DTX1: variants seen among roughly 807,000 people sequenced by gnomAD.
The protein encoded by DTX1 is E3 ubiquitin-protein ligase DTX1.
In DTX1, 26 loss-of-function variants were observed where a neutral mutation model predicts 57.8. That is an observed-to-expected ratio of 0.45 (90% CI 0.33 to 0.62). The LOEUF (loss-of-function observed/expected upper bound fraction) is 0.62. Among genes scored for constraint, DTX1 ranks in the 20% least tolerant of loss-of-function variants. The pLI, the probability that DTX1 is intolerant of heterozygous loss-of-function variation, is 0.02. For synonymous variants in DTX1, 398 were observed against 394.1 expected (o/e 1.01, Z -0.12); for missense variants, 704 against 895.3 (o/e 0.79, Z 2.73).
At chr12:113,067,101 G>A (rs2136425784) in intron 2 of DTX1, among the ~76,000 whole-genome samples, 1 of 152,140 alleles carries the variant, frequency 6.6e-6, no homozygotes, top group South Asian at 2.1e-4. Flanking sequence ...AGCACCCTGA[G>A]ATGCAGAACA....
Position 113,093,514 on chromosome 12 carries a change from T to C in DTX1, c.1004-25T>C, listed in dbSNP as rs763515842. On this transcript the variant is annotated intron_variant, in intron 4 of 9. Transcript: ENST00000548759. The surrounding 1 kb of genome is among the most constrained non-coding windows in gnomAD (Gnocchi z 4.2). ...TTTGGGCGGGGATGGCGCCCCGCCC[T>C]GTGACTGCGCCCCCTAACCCCCAGG... 4 of 1,330,030 alleles carry C rather than the reference T, an allele frequency of 3.0e-6. No homozygotes were observed. The South Asian group carries it at 4.8e-5, about 16-fold the overall frequency. The allele number at this position is 1,330,030 out of a possible 1,614,324, so 82.4% of individuals were successfully genotyped here.
Position 113,077,866 on chromosome 12 carries a change from G to GCCGCCGCCA in DTX1, c.705_713dup (p.Pro236_Pro238dup). 1 of 1,310,108 alleles carries GCCGCCGCCA rather than the reference G, an allele frequency of 7.6e-7. No homozygotes were observed. Among genetic ancestry groups the GCCGCCGCCA allele is most frequent in the Non-Finnish European group, 9.6e-7 (1 of 1,039,590 alleles). The allele number at this position is 1,310,108 out of a possible 1,614,324, so 81.2% of individuals were successfully genotyped here. A position where few individuals can be genotyped will look rare whatever the true frequency, so the allele number is the denominator to read the frequency against. The stretch of plus-strand genomic sequence containing the variant: ...CGCCCCCCGCGCCCCCGCTGCCGCC[G>GCCGCCGCCA]CCGCCGCCACCTGGAGGGCCTCCAG... On this transcript the variant is annotated inframe_insertion, in exon 3 of 10. Coordinates refer to ENST00000548759, the MANE Select transcript of DTX1 (RefSeq NM_004416.3). The surrounding 1 kb of genome is among the most constrained non-coding windows in gnomAD (Gnocchi z 7.8).
Position 113,093,505 on chromosome 12 carries a change from G to C in DTX1, c.1004-34G>C. On this transcript the variant is annotated intron_variant, in intron 4 of 9. Coordinates refer to ENST00000548759, the MANE Select transcript of DTX1 (RefSeq NM_004416.3). This position sits in a 1 kb window ranked among gnomAD's most constrained non-coding sequence, Gnocchi z 4.2. ...GGTCGGGGGTTTGGGCGGGGATGGCGCCCCGCCCTGTGACTGCGCCCCCTA... is the reference window on the plus strand; with the variant it reads ...GGTCGGGGGTTTGGGCGGGGATGGCCCCCCGCCCTGTGACTGCGCCCCCTA... The C allele has an allele frequency of 6.4e-7, 1 of 1,551,190 alleles. No individual in the cohort carries two copies. Among genetic ancestry groups the C allele is most frequent in the Non-Finnish European group, 8.7e-7 (1 of 1,148,466 alleles).
At chr12:113,068,433 A>G (rs935223935) in intron 2 of DTX1, among the ~76,000 whole-genome samples, 1 of 152,202 alleles carries the variant, frequency 6.6e-6, no homozygotes, top group Non-Finnish European at 1.5e-5. Context: ...AGATTCCAAG[A>G]AGACAGAGTG....
chr12:113,081,373 G>C (rs185765794), intron 3 of DTX1, among the ~76,000 whole-genome samples: 232 of 152,338 alleles, frequency 1.5e-3, no homozygotes, highest in African/African-American at 5.3e-3. Context: ...TACTGTTCTA[G>C]AGGAGGCTGA....
Position 113,095,106 on chromosome 12 carries a change from C to A in DTX1, c.1451C>A (p.Pro484His). 1 of 1,613,908 alleles carries A rather than the reference C, an allele frequency of 6.2e-7. No individual in the cohort carries two copies. Among genetic ancestry groups the A allele is most frequent in the Non-Finnish European group, 8.5e-7 (1 of 1,179,818 alleles). The change falls in exon 8 of 10, where the codon CCT (proline) becomes CAT (histidine). Residue 484 changes from proline (P) to histidine (H), a missense_variant. Coordinates refer to ENST00000548759, the MANE Select transcript of DTX1 (RefSeq NM_004416.3). ...GGGGAGAAGACGGGTACGCAGCCGC[C>A]TGGGAAGATGGAGTTCCACCTCATC... is the stretch of plus-strand genomic sequence containing the variant. ...IYGEKTGTQP[P>H]GKMEFHLIPH...
chr12:113,056,873 C>T lies in DTX1; in HGVS notation c.-816C>T, dbSNP rs572678517. 1 of 152,648 alleles carries T rather than the reference C, an allele frequency of 6.6e-6. No individual in the cohort carries two copies. The highest frequency in any genetic ancestry group is 2.1e-4 in the South Asian group (1 of 4,842). The allele number at this position is 152,648 out of a possible 1,614,324, so 9.5% of individuals were successfully genotyped here. On this transcript the variant is annotated 5_prime_UTR_variant, in exon 1 of 10. Coordinates refer to ENST00000548759, the MANE Select transcript of DTX1 (RefSeq NM_004416.3). ...GAGGCGGGACCGCGGCTCCCTCCCA[C>T]TCCGGGGGGAGCCCAGGAGGCGGCG...
intron 3 of DTX1, among the ~76,000 whole-genome samples, chr12:113,081,954 G>A (rs2044821232): frequency 6.6e-6 from 1 of 152,092 alleles, no homozygotes; most frequent in Non-Finnish European, 1.5e-5. Context: ...CCATCAGTGG[G>A]GAGCTATAGA....
At chr12:113,073,168 C>G (rs2044748938) in intron 2 of DTX1, among the ~76,000 whole-genome samples, 1 of 152,168 alleles carries the variant, frequency 6.6e-6, no homozygotes, top group African/African-American at 2.4e-5. Flanking sequence ...TAATACACTG[C>G]CTTCACCTCA....
rs542063420 is a variant in DTX1, at chr12:113,078,008, G to T, written c.844G>T (p.Ala282Ser). ...PPGAPPRSPG[A>S]PGGARTPGQN... is the part of the protein sequence containing the mutation. ...CGGGGCGCCCCCACGGAGCCCGGGC[G>T]CCCCCGGCGGAGCGCGCACCCCGGG... Residue 282 changes from alanine to serine, a missense_variant, in exon 3 of 10, where the codon GCC becomes TCC. This residue lies in a region of DTX1 where 299 missense variants were observed against 311.2 expected (regional missense o/e 0.96). Transcript: ENST00000548759. 223 of 1,136,754 alleles carry T rather than the reference G, an allele frequency of 2.0e-4. No individual in the cohort carries two copies. In the African/African-American group the frequency reaches 3.1e-3, roughly 16 times the overall value. The allele number at this position is 1,136,754 out of a possible 1,614,324, so 70.4% of individuals were successfully genotyped here. A position where few individuals can be genotyped will look rare whatever the true frequency, so the allele number is the denominator to read the frequency against.
intron 2 of DTX1, among the ~76,000 whole-genome samples, chr12:113,062,032 T>C (rs867762245): frequency 4.9e-5 from 7 of 142,386 alleles, no homozygotes; most frequent in South Asian, 2.4e-4. Context: ...TTATATTTCA[T>C]ACACACACAC....
intron 3 of DTX1, among the ~76,000 whole-genome samples, chr12:113,087,998 A>G (rs12820500): frequency 0.014 from 2,092 of 152,314 alleles, 39 homozygotes; most frequent in South Asian, 0.077. Context: ...GGCCTGAGCC[A>G]GCTCCAGGAT....
At chr12:113,090,442 C>T (rs1207291193) in intron 3 of DTX1, among the ~76,000 whole-genome samples, 1 of 152,186 alleles carries the variant, frequency 6.6e-6, no homozygotes, top group Non-Finnish European at 1.5e-5. Context: ...ATCAAGACAC[C>T]TCCACTCTCA....
rs1950258820 is a variant in DTX1, at chr12:113,093,039, G to A, written c.942-123G>A. The A allele has an allele frequency of 3.8e-6, 2 of 527,440 alleles. No homozygotes were observed. Among genetic ancestry groups the A allele is most frequent in the Admixed American group, 5.6e-5 (1 of 17,972 alleles). 32.7% of individuals were successfully genotyped at this position (527,440 alleles called of 1,614,324 possible). A position where few individuals can be genotyped will look rare whatever the true frequency, so the allele number is the denominator to read the frequency against. On this transcript the variant is annotated intron_variant, in intron 3 of 9. Transcript: ENST00000548759. This position sits in a 1 kb window ranked among gnomAD's most constrained non-coding sequence, Gnocchi z 4.2. ...AGTTTCCTGGAGGTAACTGCAGTTG[G>A]CAGAGAGGTACAAAGAGGCCAGGGT... is the stretch of plus-strand genomic sequence containing the variant.
chr12:113,074,780 A>C (rs12815873), intron 2 of DTX1, among the ~76,000 whole-genome samples: 6,537 of 152,246 alleles, frequency 0.043, 186 homozygotes, highest in Non-Finnish European at 0.056. Flanking sequence ...CAGTGGTCAG[A>C]TGTGGATGTG....
In DTX1 at chr12:113,058,249, G is replaced by A. The variant is rs774831457; in HGVS notation, c.57G>A (p.Pro19=). The A allele has an allele frequency of 5.0e-6, 8 of 1,613,422 alleles. No homozygotes were observed. The highest frequency in any genetic ancestry group is 2.2e-5 in the East Asian group (1 of 44,892). Residue 19 remains proline, a synonymous_variant, in exon 2 of 10, where the codon CCG becomes CCA. Coordinates refer to ENST00000548759, the MANE Select transcript of DTX1 (RefSeq NM_004416.3). ...CTGTGAATGGTCTGGGCTTCCCACC[G>A]CAGAACGTGGCCCGGGTGGTGGTGT... ...LMPVNGLGFP[P]QNVARVVVWE... is the part of the protein sequence containing the mutation.
rs1223010689 is a variant in DTX1, at chr12:113,096,869, C to T, written c.1793C>T (p.Ala598Val). 1 of 1,613,778 alleles carries T rather than the reference C, an allele frequency of 6.2e-7. No individual in the cohort carries two copies. The highest frequency in any genetic ancestry group is 8.5e-7 in the Non-Finnish European group (1 of 1,180,034). The part of the protein sequence containing the change: ...SNLTGHGYPD[A>V]SYLDNVLAEL... ...CTCACGGGCCACGGCTACCCGGACG[C>T]TAGCTACCTAGACAACGTGCTGGCT... Residue 598 changes from alanine to valine, a missense_variant, in exon 10 of 10, where the codon GCT becomes GTT. By Grantham distance (64) the Ala-to-Val change is moderately conservative (BLOSUM62 0). Around this residue, in one of 3 missense-constraint regions of DTX1, gnomAD observed 168 missense variants for 255.6 expected, o/e 0.66. Coordinates refer to ENST00000548759, the MANE Select transcript of DTX1 (RefSeq NM_004416.3).
Position 113,058,315 on chromosome 12 carries a change from G to T in DTX1, c.123G>T (p.Thr41=), listed in dbSNP as rs370359657. 268 of 1,613,502 alleles carry T rather than the reference G, an allele frequency of 1.7e-4. No homozygotes were observed. The highest frequency in any genetic ancestry group is 2.1e-4 in the Non-Finnish European group (248 of 1,180,040). The part of the protein sequence containing the change: ...LNEHSRWRPY[T]ATVCHHIENV... ...AGCACAGCCGCTGGCGGCCCTACAC[G>T]GCCACCGTGTGCCACCACATTGAGA... Residue 41 remains threonine (T), a synonymous_variant, in exon 2 of 10, where the codon ACG becomes ACT. Coordinates refer to ENST00000548759, the MANE Select transcript of DTX1 (RefSeq NM_004416.3).
chr12:113,096,520 T>C (rs188363778), intron 9 of DTX1, among the ~76,000 whole-genome samples, 195 bp from the exon 10 acceptor site: 78 of 149,904 alleles, frequency 5.2e-4, no homozygotes, highest in African/African-American at 1.7e-3. Context: ...ATAAGTAACT[T>C]GGAAAGAGCT....
Sources: allele counts gnomAD v4.1 joint callset (sites outside exome capture counted in the v4.1 genomes callset), GRCh38; gene constraint gnomAD v4.1.1; regional missense constraint gnomAD v4.1.1; non-coding constraint Gnocchi (gnomAD v3.1); transcripts MANE v1.5; gene names NCBI Gene and HGNC (gene_info 2026-07-23, HGNC 2026-07-21).